DACH2: variants seen among roughly 807,000 people sequenced by gnomAD.
The protein encoded by DACH2 is dachshund family transcription factor 2, also known as dachshund homolog 2.
Under a neutral mutation model 35.8 loss-of-function variants are expected in DACH2, and 17 were observed. The ratio of observed to expected loss-of-function variants is 0.48; its 90% confidence interval spans 0.33 to 0.71. The LOEUF (loss-of-function observed/expected upper bound fraction) is 0.71, where lower values mean the gene tolerates loss of function less well. Among genes scored for constraint, DACH2 ranks in the 30% least tolerant of loss-of-function variants. DACH2 has a pLI of 0.02. For synonymous variants in DACH2, 195 were observed against 177.3 expected, an observed-to-expected ratio of 1.10 and a Z score of -0.79; for missense variants, 469 against 472.7, an observed-to-expected ratio of 0.99 and a Z score of 0.07.
chrX:86,184,212 A>AT (rs34655546), intron 1 of DACH2: 61,622 of 152,871 alleles, frequency 0.4, 9,724 homozygotes, highest in Non-Finnish European at 0.45. Flanking sequence ...TAGTCTTCTG[A>AT]TTTTTTTTTT....
At position 86,607,838 on chromosome X, in the gene DACH2, T is replaced by C. The variant is rs748064352; in HGVS notation, c.641-43198T>C. ...CAATTCTCACCTATAAGTGAGAATATGCAGTGTTTGGTTTTTTGTTCTTGC... is the reference window on the plus strand; with the variant it reads ...CAATTCTCACCTATAAGTGAGAATACGCAGTGTTTGGTTTTTTGTTCTTGC... On this transcript the variant is annotated intron_variant, in intron 3 of 11. Coordinates refer to ENST00000373125, the MANE Select transcript of DACH2 (RefSeq NM_053281.3). Among the ~76,000 whole-genome samples the C allele has an allele frequency of 2.4e-4, 25 of 103,975 alleles. No individual in the cohort carries two copies. In the South Asian group the frequency reaches 9.9e-3, roughly 41 times the overall value. The allele number at this position is 103,975 out of a possible 115,157, so 90.3% of individuals were successfully genotyped here.
At chrX:86,674,905 C>A (rs2040809468) in intron 4 of DACH2, among the ~76,000 whole-genome samples, 1 of 110,199 alleles carries the variant, frequency 9.1e-6, no homozygotes, top group South Asian at 3.9e-4. Context: ...ATTCTTAGAA[C>A]CAAATGGAGT....
chrX:86,161,308 C>G, intron 1 of DACH2: 1 of 1,178,416 alleles, frequency 8.5e-7, no homozygotes, highest in Non-Finnish European at 1.1e-6. Context: ...CCAGCAGCAA[C>G]AATCAGGACA....
chrX:86,597,589 T>A (rs1380078660), intron 3 of DACH2, among the ~76,000 whole-genome samples: 9 of 112,012 alleles, frequency 8.0e-5, no homozygotes, highest in Non-Finnish European at 1.3e-4. Flanking sequence ...ATGTGGTTTA[T>A]CCTGGAGAAT....
intron 1 of DACH2, among the ~76,000 whole-genome samples, chrX:86,194,614 AC>A (rs1285549935): frequency 8.9e-6 from 1 of 112,393 alleles, no homozygotes; most frequent in African/African-American, 3.2e-5. Flanking sequence ...CTTGCCATGG[AC>A]CTCTGGAATC....
chrX:86,203,890 G>A (rs1009107714), intron 1 of DACH2, among the ~76,000 whole-genome samples: 2 of 111,382 alleles, frequency 1.8e-5, no homozygotes, highest in Non-Finnish European at 3.8e-5. Flanking sequence ...GATTGTAATG[G>A]GATTGTAGAG....
chrX:86,789,048 C>T (rs1385085325), intron 7 of DACH2, among the ~76,000 whole-genome samples: 1 of 111,475 alleles, frequency 9.0e-6, no homozygotes, highest in Non-Finnish European at 1.9e-5. Flanking sequence ...TTTTATTTCC[C>T]CCTCAGACAA....
chrX:86,293,865 T>C (rs1337423537), intron 1 of DACH2, among the ~76,000 whole-genome samples: 1 of 111,251 alleles, frequency 9.0e-6, no homozygotes, highest in Admixed American at 9.6e-5. Flanking sequence ...CATTTTTTCC[T>C]TCATTTCAAC....
intron 2 of DACH2, among the ~76,000 whole-genome samples, chrX:86,509,651 A>G (rs1427925954): frequency 8.9e-6 from 1 of 111,802 alleles, no homozygotes; most frequent in African/African-American, 3.2e-5. Flanking sequence ...TAAATGTCAG[A>G]CCTAAGAGAT....
chrX:86,596,748 C>T (rs1027334841), intron 3 of DACH2, among the ~76,000 whole-genome samples: 1 of 110,764 alleles, frequency 9.0e-6, no homozygotes, highest in African/African-American at 3.3e-5. Context: ...TCTATTTTTC[C>T]TTTTGTTGCT....
intron 1 of DACH2, among the ~76,000 whole-genome samples, chrX:86,195,361 C>A (rs750232326): frequency 9.0e-6 from 1 of 111,600 alleles, no homozygotes; most frequent in Admixed American, 9.5e-5. Flanking sequence ...AACATACCCT[C>A]CCCCACCCTG....
intron 1 of DACH2, among the ~76,000 whole-genome samples, chrX:86,355,119 A>G (rs1347659508): frequency 9.0e-6 from 1 of 111,450 alleles, no homozygotes; most frequent in Non-Finnish European, 1.9e-5. Context: ...ATGTGTACAC[A>G]ATGTTTAGCT....
At chrX:86,536,181 G>A in intron 3 of DACH2, among the ~76,000 whole-genome samples, 1 of 110,816 alleles carries the variant, frequency 9.0e-6, no homozygotes, top group South Asian at 3.9e-4. Flanking sequence ...CACAAATTCT[G>A]ATGTTAGGAA....
intron 2 of DACH2, among the ~76,000 whole-genome samples, chrX:86,442,436 A>G (rs1157244808): frequency 9.9e-6 from 1 of 100,782 alleles, no homozygotes; most frequent in Non-Finnish European, 2.0e-5. Flanking sequence ...TTCTTACGCA[A>G]TCTGGATATT....
chrX:86,713,981 A>G (rs1369601582), intron 5 of DACH2, among the ~76,000 whole-genome samples: 2 of 111,748 alleles, frequency 1.8e-5, no homozygotes, highest in African/African-American at 6.5e-5. Context: ...GGGAGTTATT[A>G]TTTATTGACA....
rs772281076 is a variant in DACH2, at chrX:86,550,032, G to T, written c.640+35641G>T. On this transcript the variant is annotated intron_variant, in intron 3 of 11. Transcript: ENST00000373125. ...GCTCATAAATGTGTATATCTGTAAAGATAATTGCAGTAATCTCTGTATTGA... is the reference window on the plus strand; with the variant it reads ...GCTCATAAATGTGTATATCTGTAAATATAATTGCAGTAATCTCTGTATTGA... Among the ~76,000 whole-genome samples the T allele has an allele frequency of 1.5e-4, 17 of 111,451 alleles. No homozygotes were observed. The East Asian group carries it at 4.5e-3, about 30-fold the overall frequency.
chrX:86,331,523 G>T (rs760164087), intron 1 of DACH2, among the ~76,000 whole-genome samples: 5 of 111,252 alleles, frequency 4.5e-5, no homozygotes, highest in African/African-American at 9.8e-5. Context: ...AAGTCTAATT[G>T]TCACTTACTG....
intron 3 of DACH2, among the ~76,000 whole-genome samples, chrX:86,602,172 C>T (rs1273890076): frequency 9.0e-6 from 1 of 111,408 alleles, no homozygotes; most frequent in Non-Finnish European, 1.9e-5. Flanking sequence ...AGTGTTGTAG[C>T]CTTTGTTAGT....
At chrX:86,307,234 T>A (rs1194668802) in intron 1 of DACH2, among the ~76,000 whole-genome samples, 2 of 112,007 alleles carry the variant, frequency 1.8e-5, no homozygotes, top group Non-Finnish European at 3.8e-5. Flanking sequence ...GCCTCAAATC[T>A]GCTAAGATTG....
Sources: gnomAD v4.1 joint callset for allele counts (sites outside exome capture counted in the v4.1 genomes callset) on GRCh38, gnomAD v4.1.1 for gene constraint, MANE v1.5 for transcripts, NCBI Gene and HGNC (gene_info 2026-07-23, HGNC 2026-07-21) for gene names.